The following ARHGAP15 variants were observed in gnomAD, a reference collection of about 807,000 sequenced individuals.
ARHGAP15 encodes Rho GTPase activating protein 15.
Under a neutral mutation model 63.7 loss-of-function variants are expected in ARHGAP15, and 51 were observed. The observed-to-expected ratio is 0.80, with a 90% CI of 0.64 to 1.01. The LOEUF is 1.01. Among genes scored for constraint, ARHGAP15 ranks in the 50% least tolerant of loss-of-function variants. ARHGAP15 has a pLI of 0.00. For synonymous variants in ARHGAP15, 191 were observed against 193.8 expected (o/e 0.99, Z 0.12); for missense variants, 560 against 564.6 (o/e 0.99, Z 0.08).
At chr2:143,328,666 T>A (rs554638850) in intron 6 of ARHGAP15, among the ~76,000 whole-genome samples, 11 of 152,258 alleles carry the variant, frequency 7.2e-5, no homozygotes, top group African/African-American at 2.6e-4. Context: ...CAAACCACCA[T>A]GGCACATGTG....
At chr2:143,530,355 T>C (rs566868153) in intron 10 of ARHGAP15, among the ~76,000 whole-genome samples, 1 of 152,230 alleles carries the variant, frequency 6.6e-6, no homozygotes, top group South Asian at 2.1e-4. Context: ...GCAATGACCT[T>C]TGTGTCCAAT....
chr2:143,571,196 C>T (rs1696439680), intron 11 of ARHGAP15, among the ~76,000 whole-genome samples: 1 of 152,146 alleles, frequency 6.6e-6, no homozygotes, highest in South Asian at 2.1e-4. Context: ...TTGAGGTTCC[C>T]ATTGATTCTA....
chr2:143,467,465 T>C (rs1038297076), intron 8 of ARHGAP15, among the ~76,000 whole-genome samples: 1 of 151,996 alleles, frequency 6.6e-6, no homozygotes, highest in Non-Finnish European at 1.5e-5. Flanking sequence ...GTAACAGTAC[T>C]TGGTTTGGGG....
At chr2:143,703,375 A>C in intron 12 of ARHGAP15, 44 bp from the exon 13 acceptor site, 1 of 1,546,986 alleles carries the variant, frequency 6.5e-7, no homozygotes, top group Non-Finnish European at 8.8e-7. Context: ...GTACCTATGA[A>C]ATCTTGTTTT....
At chr2:143,645,352 TAATC>T (rs924740634) in intron 12 of ARHGAP15, among the ~76,000 whole-genome samples, 2 of 152,102 alleles carry the variant, frequency 1.3e-5, no homozygotes, top group African/African-American at 4.8e-5. Context: ...TTGTAGCAAT[TAATC>T]AACTGATTAA....
intron 6 of ARHGAP15, among the ~76,000 whole-genome samples, chr2:143,288,145 A>G (rs761143256): frequency 1.3e-5 from 2 of 152,188 alleles, no homozygotes; most frequent in South Asian, 2.1e-4. Context: ...ATGTGATTCA[A>G]TAGTATATAA....
chr2:143,715,568 CTGTT>C (rs968691176), intron 13 of ARHGAP15, among the ~76,000 whole-genome samples: 8 of 152,068 alleles, frequency 5.3e-5, no homozygotes, highest in African/African-American at 1.2e-4. Context: ...TTTAATGGGG[CTGTT>C]TGTTTTTCTT....
intron 6 of ARHGAP15, among the ~76,000 whole-genome samples, chr2:143,285,263 A>C (rs1682034017): frequency 6.6e-6 from 1 of 152,158 alleles, no homozygotes; most frequent in South Asian, 2.1e-4. Context: ...TAACTAATTC[A>C]ATATTTTTTT....
chr2:143,516,085 C>T (rs1405489898), intron 9 of ARHGAP15, among the ~76,000 whole-genome samples: 1 of 152,170 alleles, frequency 6.6e-6, no homozygotes, highest in Admixed American at 6.5e-5. Context: ...CACATGCTCC[C>T]ACATTGCCTC....
intron 12 of ARHGAP15, among the ~76,000 whole-genome samples, chr2:143,664,742 C>G (rs908667850): frequency 3.2e-4 from 48 of 152,234 alleles, no homozygotes; most frequent in African/African-American, 1.1e-3. Context: ...GATATCACCA[C>G]CGATCCCACA....
chr2:143,624,442 C>T (rs568301404), intron 12 of ARHGAP15, among the ~76,000 whole-genome samples, 175 bp downstream of exon 12: 2 of 152,038 alleles, frequency 1.3e-5, no homozygotes, highest in South Asian at 4.2e-4. Context: ...TCTGGCCCTG[C>T]AGTATTATCT....
chr2:143,149,534 C>CT (rs544457829), intron 1 of ARHGAP15, among the ~76,000 whole-genome samples: 14 of 151,954 alleles, frequency 9.2e-5, no homozygotes, highest in South Asian at 4.1e-4. Context: ...TAAATTTGAT[C>CT]TTTTTTTAAT....
intron 6 of ARHGAP15, among the ~76,000 whole-genome samples, chr2:143,375,604 C>T (rs542993310): frequency 9.1e-4 from 138 of 152,296 alleles, no homozygotes; most frequent in Non-Finnish European, 1.6e-3. Flanking sequence ...AAGACATGGC[C>T]TCCCTGGGAG....
At chr2:143,532,723 A>G (rs901089830) in intron 10 of ARHGAP15, among the ~76,000 whole-genome samples, 22 of 151,750 alleles carry the variant, frequency 1.4e-4, no homozygotes, top group African/African-American at 5.1e-4. Context: ...ATATAGTTTG[A>G]CCATATTTTC....
intron 11 of ARHGAP15, among the ~76,000 whole-genome samples, chr2:143,560,638 G>A (rs1695980386): frequency 6.6e-6 from 1 of 152,060 alleles, no homozygotes; most frequent in Admixed American, 6.5e-5. Context: ...TTTACACCCC[G>A]CCTCTTGGTG....
chr2:143,244,624 C>T (rs115707949), intron 5 of ARHGAP15, among the ~76,000 whole-genome samples: 3 of 152,020 alleles, frequency 2.0e-5, no homozygotes, highest in Non-Finnish European at 2.9e-5. Flanking sequence ...CGCATAGAAC[C>T]GAGAGGGATG....
chr2:143,338,070 C>A (rs1381799405), intron 6 of ARHGAP15, among the ~76,000 whole-genome samples: 1 of 152,076 alleles, frequency 6.6e-6, no homozygotes, highest in African/African-American at 2.4e-5. Flanking sequence ...ATTAATCTAA[C>A]TCTTATATGT....
intron 6 of ARHGAP15, among the ~76,000 whole-genome samples, chr2:143,409,612 T>A (rs529756654): frequency 2.0e-5 from 3 of 152,128 alleles, no homozygotes; most frequent in Non-Finnish European, 1.5e-5. Flanking sequence ...TAACAATGTT[T>A]TGATCAATGA....
chr2:143,169,491 G>A (rs1407790930), intron 2 of ARHGAP15, among the ~76,000 whole-genome samples: 5 of 152,020 alleles, frequency 3.3e-5, no homozygotes, highest in Admixed American at 2.0e-4. Context: ...TAACTTTTCC[G>A]AGTTGCCTCC....
Sources: allele counts gnomAD v4.1 joint callset (sites outside exome capture counted in the v4.1 genomes callset), GRCh38; gene constraint gnomAD v4.1.1; transcripts MANE v1.5; gene names NCBI Gene and HGNC (gene_info 2026-07-23, HGNC 2026-07-21).